Variants in STAMBPL1 observed in about 807,000 individuals in gnomAD.
STAMBPL1 encodes the protein AMSH-like protease.
STAMBPL1 carries 44 observed loss-of-function variants against 52.9 expected under a neutral mutation model. That is an observed-to-expected ratio of 0.83 (90% CI 0.65 to 1.07). The LOEUF is 1.07. STAMBPL1 is among the 50% of genes least tolerant of loss of function. The pLI is 0.00. For missense variants in STAMBPL1, 511 were observed against 520.8 expected, an observed-to-expected ratio of 0.98 and a Z score of 0.18; for synonymous variants, 164 against 177.3, an observed-to-expected ratio of 0.92 and a Z score of 0.60.
Position 88,913,226 on chromosome 10 carries a change from T to G in STAMBPL1, c.546T>G (p.Asp182Glu). The change falls in exon 6 of 11, where the codon GAT (aspartate) becomes GAG (glutamate). Residue 182 changes from aspartate to glutamate, a missense_variant. Coordinates refer to ENST00000371926, the MANE Select transcript of STAMBPL1 (RefSeq NM_020799.4). The stretch of plus-strand genomic sequence containing the variant: ...CGGAGCAGTTTCTGTTTTTCGAAGA[T>G]CAACTCAAGAAGCAAGAGTTAGCCC... ...LESEQFLFFE[D>E]QLKKQELARG... The G allele has an allele frequency of 6.2e-7, 1 of 1,613,900 alleles. No homozygotes were observed. The highest frequency in any genetic ancestry group is 8.5e-7 in the Non-Finnish European group (1 of 1,179,848).
At chr10:88,903,854 A>G (rs540096414) in intron 2 of STAMBPL1, among the ~76,000 whole-genome samples, 76 of 152,356 alleles carry the variant, frequency 5.0e-4, no homozygotes, top group African/African-American at 1.8e-3. Context: ...TATGGTTCTT[A>G]CTTAATGAAG....
At chr10:88,887,919 T>C (rs562890112) in intron 1 of STAMBPL1, among the ~76,000 whole-genome samples, 1 of 152,224 alleles carries the variant, frequency 6.6e-6, no homozygotes, top group Non-Finnish European at 1.5e-5. Context: ...TCTAATCTTA[T>C]ATTCAAATTC....
Position 88,910,985 on chromosome 10 carries a change from G to A in STAMBPL1, c.394G>A (p.Glu132Lys). 2 of 1,590,818 alleles carry A rather than the reference G, an allele frequency of 1.3e-6. No individual in the cohort carries two copies. Among genetic ancestry groups the A allele is most frequent in the Non-Finnish European group, 1.7e-6 (2 of 1,171,538 alleles). Residue 132 changes from glutamate to lysine, a missense_variant, in exon 5 of 11, where the codon GAA (glutamate) becomes AAA (lysine). Glu to Lys is a moderately conservative substitution (Grantham distance 56, BLOSUM62 1). Coordinates refer to ENST00000371926, the MANE Select transcript of STAMBPL1 (RefSeq NM_020799.4). Reference protein sequence around the residue: ...KNDLLKKYNVEYQEYLQSKNK... With the variant: ...KNDLLKKYNVKYQEYLQSKNK... ...CGACCTTTTAAAGAAATATAACGTA[G>A]AATACCAAGAATATTTGCAAAGCAA...
Position 88,919,041 on chromosome 10 carries a change from C to T in STAMBPL1, c.1041+2224C>T, listed in dbSNP as rs139715641. On this transcript the variant is annotated intron_variant, in intron 8 of 10. Transcript: ENST00000371926. Reference sequence around the variant, plus strand: ...AAGTGATTGTAATGACTTTTTATGACGGTTTTTATTAAGTATAATAATAGC... The same window carrying T: ...AAGTGATTGTAATGACTTTTTATGATGGTTTTTATTAAGTATAATAATAGC... 3.0e-4 allele frequency among the ~76,000 whole-genome samples: 46 copies of T among 152,150 alleles called. No homozygotes were observed. The South Asian group carries it at 3.5e-3, about 12-fold the overall frequency.
At chr10:88,923,125 G>A in intron 10 of STAMBPL1, 43 bp from the exon 11 acceptor site, 2 of 1,365,016 alleles carry the variant, frequency 1.5e-6, no homozygotes, top group South Asian at 1.2e-5. Context: ...TAAACATTAT[G>A]GTGAAATCAA....
chr10:88,885,420 G>T, intron 1 of STAMBPL1, among the ~76,000 whole-genome samples: 1 of 152,132 alleles, frequency 6.6e-6, no homozygotes, highest in East Asian at 1.9e-4. Context: ...GCTCCAATTT[G>T]TGTTTTCATA....
intron 1 of STAMBPL1, among the ~76,000 whole-genome samples, chr10:88,893,485 T>C (rs775385287): frequency 6.6e-6 from 1 of 152,192 alleles, no homozygotes; most frequent in Non-Finnish European, 1.5e-5. Context: ...CTCACACCTG[T>C]AATCCCAGTA....
At chr10:88,902,990 T>C (rs1844983949) in intron 2 of STAMBPL1, among the ~76,000 whole-genome samples, 1 of 152,230 alleles carries the variant, frequency 6.6e-6, no homozygotes, top group African/African-American at 2.4e-5. Flanking sequence ...GTTGTTCCAC[T>C]ATGGTTAATA....
At position 88,901,667 on chromosome 10, in the gene STAMBPL1, G is replaced by T; in HGVS notation, c.-42G>T. The T allele has an allele frequency of 1.3e-6, 2 of 1,592,882 alleles. No individual in the cohort carries two copies. The highest frequency in any genetic ancestry group is 2.3e-5 in the South Asian group (2 of 87,206). On this transcript the variant is annotated 5_prime_UTR_variant, in exon 2 of 11. Coordinates refer to ENST00000371926, the MANE Select transcript of STAMBPL1 (RefSeq NM_020799.4). ...TGTTTTTGAAACAGATGAAGTGATT[G>T]AGAAGAAACAGTGAACATCCTCATT...
In STAMBPL1 at chr10:88,905,457, T is replaced by C; in HGVS notation, c.45T>C (p.Ala15=). The C allele has an allele frequency of 9.9e-6, 16 of 1,614,112 alleles. No homozygotes were observed. Among genetic ancestry groups the C allele is most frequent in the Non-Finnish European group, 1.4e-5 (16 of 1,179,968 alleles). ...FTVNSLKKLA[A]MPDHTDVSLS... ...TTGCTTTGCAGAAAAAGTTAGCTGC[T>C]ATGCCTGACCATACAGATGTTTCCC... Residue 15 remains alanine, a synonymous_variant, in exon 3 of 11, where the codon GCT becomes GCC. Transcript: ENST00000371926.
rs185035075 is a variant in STAMBPL1, at chr10:88,893,470, G to A, written c.-53-8186G>A. The stretch of plus-strand genomic sequence containing the variant: ...GAAAAAAGTGAAGGGAGCTGGGCAC[G>A]GTGGCTCACACCTGTAATCCCAGTA... On this transcript the variant is annotated intron_variant, in intron 1 of 10. Coordinates refer to ENST00000371926, the MANE Select transcript of STAMBPL1 (RefSeq NM_020799.4). 5.2e-4 allele frequency among the ~76,000 whole-genome samples: 79 copies of A among 152,230 alleles called. 2 individuals are homozygous for A. The highest frequency in any genetic ancestry group is 2.3e-3 in the South Asian group (11 of 4,820).
At chr10:88,891,346 A>G (rs559593613) in intron 1 of STAMBPL1, among the ~76,000 whole-genome samples, 137 of 152,342 alleles carry the variant, frequency 9.0e-4, no homozygotes, top group Middle Eastern at 3.4e-3. Context: ...TAAAAATTAA[A>G]CAGCTTTCAA....
intron 8 of STAMBPL1, among the ~76,000 whole-genome samples, chr10:88,917,934 C>T (rs1845410667): frequency 6.6e-6 from 1 of 152,112 alleles, no homozygotes; most frequent in Non-Finnish European, 1.5e-5. Context: ...GCTGTGTCCT[C>T]ACAGGGTGGA....
At chr10:88,889,590 A>G (rs1001834747) in intron 1 of STAMBPL1, among the ~76,000 whole-genome samples, 2 of 152,174 alleles carry the variant, frequency 1.3e-5, no homozygotes, top group Non-Finnish European at 2.9e-5. Flanking sequence ...CTTGTTGAAA[A>G]GATTTTTAAA....
At chr10:88,905,830 C>T (rs1226532412) in intron 3 of STAMBPL1, among the ~76,000 whole-genome samples, 170 bp downstream of exon 3, 1 of 152,182 alleles carries the variant, frequency 6.6e-6, no homozygotes, top group East Asian at 1.9e-4. Flanking sequence ...TACTCACAGG[C>T]ATCCCAACAC....
intron 1 of STAMBPL1, among the ~76,000 whole-genome samples, chr10:88,885,424 T>C (rs1357799282): frequency 6.6e-6 from 1 of 152,250 alleles, no homozygotes; most frequent in African/African-American, 2.4e-5. Context: ...CAATTTGTGT[T>C]TTCATATATG....
Position 88,908,751 on chromosome 10 carries a change from G to C in STAMBPL1, c.298G>C (p.Val100Leu). The C allele has an allele frequency of 6.2e-7, 1 of 1,608,540 alleles. No homozygotes were observed. The highest frequency in any genetic ancestry group is 8.5e-7 in the Non-Finnish European group (1 of 1,178,026). ...CCATCGAGATTACCAGCAATGTGCAGTACCTGAAAAGCAGGATATTATGAA... is the reference window on the plus strand; with the variant it reads ...CCATCGAGATTACCAGCAATGTGCACTACCTGAAAAGCAGGATATTATGAA... ...PNHRDYQQCAVPEKQDIMKKL... is the reference protein window; with the variant it reads ...PNHRDYQQCALPEKQDIMKKL... The change falls in exon 4 of 11, where the codon GTA becomes CTA. Residue 100 changes from valine (V) to leucine (L), a missense_variant. By Grantham distance (32) the Val-to-Leu change is conservative (BLOSUM62 1). Coordinates refer to ENST00000371926, the MANE Select transcript of STAMBPL1 (RefSeq NM_020799.4).
chr10:88,909,344 G>A (rs1201509601), intron 4 of STAMBPL1, among the ~76,000 whole-genome samples: 1 of 151,948 alleles, frequency 6.6e-6, no homozygotes, highest in Non-Finnish European at 1.5e-5. Context: ...TATAATTTTG[G>A]TTATGTCTAG....
intron 1 of STAMBPL1, among the ~76,000 whole-genome samples, chr10:88,887,610 C>G (rs1408743880): frequency 1.3e-5 from 2 of 152,190 alleles, no homozygotes; most frequent in Non-Finnish European, 2.9e-5. Context: ...CTCACTGCAG[C>G]CTTGACCTCG....
Sources: gnomAD v4.1 joint callset for allele counts (sites outside exome capture counted in the v4.1 genomes callset) on GRCh38, gnomAD v4.1.1 for gene constraint, MANE v1.5 for transcripts, NCBI Gene and HGNC (gene_info 2026-07-23, HGNC 2026-07-21) for gene names.